Variants in AKAP13 observed in about 807,000 individuals in gnomAD.
The protein encoded by AKAP13 is A-kinase anchoring protein 13, also known as A-kinase anchor protein 13.
AKAP13 carries 80 observed loss-of-function variants against 264.5 expected under a neutral mutation model. That is an observed-to-expected ratio of 0.30 (90% CI 0.25 to 0.36). The LOEUF (loss-of-function observed/expected upper bound fraction) is 0.36, where lower values mean the gene tolerates loss of function less well. AKAP13 is among the 10% of genes least tolerant of loss of function. The probability of loss-of-function intolerance (pLI) is 1.00; values close to 1 mark genes in which losing one functional copy is unlikely to be tolerated. For missense variants in AKAP13, 3,712 were observed against 3,435.2 expected, an observed-to-expected ratio of 1.08 and a Z score of -2.01; for synonymous variants, 1,380 against 1,250.2, an observed-to-expected ratio of 1.10 and a Z score of -2.19.
At chr15:85,625,125 A>C (rs2151430083) in intron 8 of AKAP13, among the ~76,000 whole-genome samples, 2 of 152,340 alleles carry the variant, frequency 1.3e-5, no homozygotes, top group East Asian at 3.9e-4. Context: ...TCTCTCTAAA[A>C]GATGTAGATG....
In AKAP13 at chr15:85,594,922, C is replaced by G. The variant is rs149205526; in HGVS notation, c.4161+9099C>G. 5.5e-4 allele frequency among the ~76,000 whole-genome samples: 84 copies of G among 152,264 alleles called. 1 individual carries two copies. In the East Asian group the frequency reaches 0.013, roughly 24 times the overall value. On this transcript the variant is annotated intron_variant, in intron 8 of 36. Coordinates refer to ENST00000394518, the MANE Select transcript of AKAP13 (RefSeq NM_007200.5). Reference sequence around the variant, plus strand: ...TGTCCACTATATATGGAGTTGTCTACTTTATCCAGAAAAAGTTTCAGGGTC... The same window carrying G: ...TGTCCACTATATATGGAGTTGTCTAGTTTATCCAGAAAAAGTTTCAGGGTC...
intron 23 of AKAP13, among the ~76,000 whole-genome samples, 189 bp downstream of exon 23, chr15:85,719,515 A>G (rs1346250803): frequency 6.6e-6 from 1 of 152,106 alleles, no homozygotes; most frequent in Admixed American, 6.6e-5. Context: ...TTCTCTCCTA[A>G]TGTTATTTTG....
intron 3 of AKAP13, 85 bp from the exon 4 acceptor site, chr15:85,533,499 G>T: frequency 1.5e-6 from 2 of 1,298,564 alleles, no homozygotes; most frequent in Non-Finnish European, 2.0e-6. Flanking sequence ...TGTATGTCGT[G>T]AAATAAGAGC....
At chr15:85,416,557 G>C (rs1206824239) in intron 1 of AKAP13, among the ~76,000 whole-genome samples, 2 of 152,164 alleles carry the variant, frequency 1.3e-5, no homozygotes, top group Non-Finnish European at 2.9e-5. Flanking sequence ...TATGTCTCAG[G>C]TACTTAATTT....
At chr15:85,735,182 G>A (rs2088350793) in intron 31 of AKAP13, 32 bp downstream of exon 31, 2 of 1,604,480 alleles carry the variant, frequency 1.2e-6, no homozygotes, top group African/African-American at 1.3e-5. Flanking sequence ...GCTTTTATAG[G>A]CAATCCTTGA....
At chr15:85,742,056 CAA>C (rs2089049170) in intron 35 of AKAP13, among the ~76,000 whole-genome samples, 2 of 152,236 alleles carry the variant, frequency 1.3e-5, no homozygotes, top group South Asian at 4.1e-4. Context: ...CACAGAAAAA[CAA>C]AAAGAATCTT....
rs371493136 is a variant in AKAP13, at chr15:85,727,927, G to T, written c.7087+464G>T. Among the ~76,000 whole-genome samples, 1 of 152,198 alleles carries T rather than the reference G, an allele frequency of 6.6e-6. No homozygotes were observed. Among genetic ancestry groups the T allele is most frequent in the Non-Finnish European group, 1.5e-5 (1 of 68,044 alleles). ...TGTGAGGTGAAGTTTTGGGAGCAGG[G>T]TATGTATCAATCTATGTTTGACCCT... is the stretch of plus-strand genomic sequence containing the variant. On this transcript the variant is annotated intron_variant, in intron 29 of 36. Transcript: ENST00000394518. The surrounding 1 kb of genome is among the most constrained non-coding windows in gnomAD (Gnocchi z 5.3).
At position 85,458,609 on chromosome 15, in the gene AKAP13, G is replaced by T. The variant is rs533880085; in HGVS notation, c.-11-27101G>T. Among the ~76,000 whole-genome samples the T allele has an allele frequency of 2.6e-5, 4 of 151,964 alleles. No individual in the cohort carries two copies. The East Asian group carries it at 7.7e-4, about 29-fold the overall frequency. On this transcript the variant is annotated intron_variant, in intron 1 of 36. Coordinates refer to ENST00000394518, the MANE Select transcript of AKAP13 (RefSeq NM_007200.5). ...TAGACACAGTTATTTGTAAATGTTTGATTTTTAATACCTAATACGTATTAG... is the reference window on the plus strand; with the variant it reads ...TAGACACAGTTATTTGTAAATGTTTTATTTTTAATACCTAATACGTATTAG...
At chr15:85,502,445 T>G (rs2076061211) in intron 2 of AKAP13, among the ~76,000 whole-genome samples, 1 of 152,256 alleles carries the variant, frequency 6.6e-6, no homozygotes, top group Non-Finnish European at 1.5e-5. Flanking sequence ...TGTAAAAATC[T>G]TAATACGTAT....
intron 8 of AKAP13, among the ~76,000 whole-genome samples, chr15:85,613,713 T>TATATATGTATGTATATATATATATATA (rs1254657975): frequency 3.6e-5 from 4 of 111,026 alleles, no homozygotes; most frequent in South Asian, 3.4e-4. Flanking sequence ...TATATATATA[T>TATATATGTATGTATATATATATATATA]TAGGAGTGCT....
chr15:85,697,125 G>A (rs1385462844), intron 17 of AKAP13, among the ~76,000 whole-genome samples: 2 of 152,172 alleles, frequency 1.3e-5, no homozygotes, highest in Non-Finnish European at 2.9e-5. Flanking sequence ...GCTCCATTGG[G>A]TTAGGTTGAC....
chr15:85,439,896 A>G (rs1412458731), intron 1 of AKAP13, among the ~76,000 whole-genome samples: 3 of 151,132 alleles, frequency 2.0e-5, no homozygotes, highest in Admixed American at 6.6e-5. Context: ...GGTGCAGCGC[A>G]CGAGCATGGC....
chr15:85,595,110 G>A (rs1219884217), intron 8 of AKAP13, among the ~76,000 whole-genome samples: 1 of 151,706 alleles, frequency 6.6e-6, no homozygotes, highest in African/African-American at 2.4e-5. Context: ...TTTTGTTTTT[G>A]TTTTGTAGAG....
At chr15:85,645,773 T>C (rs374770760) in intron 9 of AKAP13, 45 bp from the exon 10 acceptor site, 1 of 1,358,458 alleles carries the variant, frequency 7.4e-7, no homozygotes, top group South Asian at 1.3e-5. Context: ...TTTGGTTTTT[T>C]TGTTTTTTTT....
chr15:85,736,696 C>T (rs191118730), intron 33 of AKAP13, among the ~76,000 whole-genome samples: 57 of 152,226 alleles, frequency 3.7e-4, no homozygotes, highest in Middle Eastern at 3.4e-3. Context: ...TCTTATCCAG[C>T]GCTTCTTGCT....
intron 5 of AKAP13, among the ~76,000 whole-genome samples, chr15:85,544,979 G>A (rs2077689208): frequency 6.6e-6 from 1 of 152,204 alleles, no homozygotes; most frequent in African/African-American, 2.4e-5. Context: ...GCTACTTACG[G>A]TTATGTAAAC....
At chr15:85,743,423 G>A (rs2089205229) in intron 35 of AKAP13, 69 bp from the exon 36 acceptor site, 5 of 1,525,668 alleles carry the variant, frequency 3.3e-6, no homozygotes, top group African/African-American at 1.4e-5. Context: ...ATTCAGCCAG[G>A]ATTTATTGAG....
intron 8 of AKAP13, among the ~76,000 whole-genome samples, chr15:85,612,460 A>G (rs2080686327): frequency 6.6e-6 from 1 of 152,106 alleles, no homozygotes; most frequent in Non-Finnish European, 1.5e-5. Context: ...TATACCAACT[A>G]TTTGGGTGGG....
intron 14 of AKAP13, among the ~76,000 whole-genome samples, chr15:85,679,198 C>G (rs2084441270): frequency 6.6e-6 from 1 of 151,890 alleles, no homozygotes; most frequent in Non-Finnish European, 1.5e-5. Context: ...CAAGATCATG[C>G]CATTGCACTC....
Sources: allele counts gnomAD v4.1 joint callset (sites outside exome capture counted in the v4.1 genomes callset), GRCh38; gene constraint gnomAD v4.1.1; non-coding constraint Gnocchi (gnomAD v3.1); transcripts MANE v1.5; gene names NCBI Gene and HGNC (gene_info 2026-07-23, HGNC 2026-07-21).